NAV3: variants seen among roughly 807,000 people sequenced by gnomAD.
NAV3 encodes the protein pore membrane and/or filament interacting like protein 1.
In NAV3, 87 loss-of-function variants were observed where a neutral mutation model predicts 244.7. The ratio of observed to expected loss-of-function variants is 0.36; its 90% confidence interval spans 0.30 to 0.42. The LOEUF (loss-of-function observed/expected upper bound fraction) is 0.42. NAV3 is among the 20% of genes least tolerant of loss of function. NAV3 has a pLI of 1.00. For synonymous variants in NAV3, 1,126 were observed against 1,042.2 expected, an observed-to-expected ratio of 1.08 and a Z score of -1.55; for missense variants, 2,663 against 2,893.3, an observed-to-expected ratio of 0.92 and a Z score of 1.83.
intron 2 of NAV3, among the ~76,000 whole-genome samples, chr12:77,769,073 T>C (rs1283016166): frequency 6.6e-6 from 1 of 152,234 alleles, no homozygotes; most frequent in Non-Finnish European, 1.5e-5. Context: ...TATTTTTTCA[T>C]TGCCATTTTA....
chr12:78,002,126 C>T (rs1873415234), intron 7 of NAV3, among the ~76,000 whole-genome samples: 1 of 152,096 alleles, frequency 6.6e-6, no homozygotes, highest in African/African-American at 2.4e-5. Flanking sequence ...TTTTACAAAA[C>T]TTGTATTAAA....
At chr12:78,079,647 A>C (rs1305833864) in intron 12 of NAV3, among the ~76,000 whole-genome samples, 5 of 152,224 alleles carry the variant, frequency 3.3e-5, no homozygotes, top group Non-Finnish European at 7.3e-5. Context: ...TTAATTTTTG[A>C]AAACTCTCAC....
At chr12:78,160,398 T>TGC (rs1555184783) in intron 23 of NAV3, among the ~76,000 whole-genome samples, 1 of 84,130 alleles carries the variant, frequency 1.2e-5, no homozygotes, top group African/African-American at 4.6e-5. Flanking sequence ...TGTGTGTGTG[T>TGC]GCGTGCGTGT....
chr12:77,613,620 G>A (rs949442667), intron 2 of NAV3, among the ~76,000 whole-genome samples: 2 of 152,104 alleles, frequency 1.3e-5, no homozygotes, highest in African/African-American at 4.8e-5. Flanking sequence ...TATTCTTCTA[G>A]CACTCCTGCC....
intron 18 of NAV3, among the ~76,000 whole-genome samples, chr12:78,136,109 G>A (rs1410731412): frequency 2.0e-5 from 3 of 152,118 alleles, no homozygotes; most frequent in Non-Finnish European, 4.4e-5. Flanking sequence ...CTTGTATTAA[G>A]AAGAAGTTTA....
chr12:78,142,722 T>A (rs1956679077), intron 20 of NAV3, among the ~76,000 whole-genome samples: 1 of 54,336 alleles, frequency 1.8e-5, no homozygotes, highest in Non-Finnish European at 3.8e-5. Flanking sequence ...TATACATATA[T>A]ATGTGTGTGT....
rs746356288 is a variant in NAV3, at chr12:78,119,598, A to G, written c.3402A>G (p.Gln1134=). Residue 1134 remains glutamine (Q), a synonymous_variant, in exon 15 of 40, where the codon CAA becomes CAG. Transcript: ENST00000397909. The stretch of plus-strand genomic sequence containing the variant: ...ATGTTAGCTCAAAGACTACCCTACA[A>G]TATCGCAGCTTGCCCCGCCCTTCAA... The part of the protein sequence containing the change: ...VLHVSSKTTL[Q]YRSLPRPSKS... 5 of 1,614,174 alleles carry G rather than the reference A, an allele frequency of 3.1e-6. No homozygotes were observed. In the South Asian group the frequency reaches 4.4e-5, roughly 14 times the overall value.
At chr12:78,003,266 A>G (rs1014579322) in intron 7 of NAV3, among the ~76,000 whole-genome samples, 7 of 152,044 alleles carry the variant, frequency 4.6e-5, no homozygotes, top group African/African-American at 1.7e-4. Flanking sequence ...TTTTTAAAGC[A>G]TTTGGTATGT....
At chr12:77,697,541 A>G (rs1240631484) in intron 2 of NAV3, among the ~76,000 whole-genome samples, 1 of 152,112 alleles carries the variant, frequency 6.6e-6, no homozygotes, top group Non-Finnish European at 1.5e-5. Flanking sequence ...CTCATATTAA[A>G]CTTCCAGAAA....
intron 5 of NAV3, among the ~76,000 whole-genome samples, chr12:77,977,693 C>T (rs919748564): frequency 4.7e-4 from 42 of 89,814 alleles, no homozygotes; most frequent in African/African-American, 1.1e-3. Context: ...TATATATACA[C>T]ACACACACAC....
chr12:78,089,568 A>G (rs892376046), intron 12 of NAV3, among the ~76,000 whole-genome samples: 1 of 152,034 alleles, frequency 6.6e-6, no homozygotes, highest in African/African-American at 2.4e-5. Context: ...ATTAGTTTGG[A>G]TGCTGATTTT....
chr12:78,086,324 T>C (rs1200153430), intron 12 of NAV3, among the ~76,000 whole-genome samples: 1 of 152,128 alleles, frequency 6.6e-6, no homozygotes, highest in African/African-American at 2.4e-5. Flanking sequence ...GAAAATTTTA[T>C]TGACAACTTA....
intron 20 of NAV3, 123 bp downstream of exon 20, chr12:78,140,457 T>C: frequency 1.2e-6 from 1 of 852,352 alleles, no homozygotes; most frequent in Non-Finnish European, 1.9e-6. Context: ...TGTAGCAAAA[T>C]AACGGCATAC....
intron 2 of NAV3, among the ~76,000 whole-genome samples, chr12:77,736,782 T>C (rs1727847): frequency 0.045 from 6,876 of 152,270 alleles, 517 homozygotes; most frequent in African/African-American, 0.16. Context: ...GGGGGCACTA[T>C]ATGTCACCAC....
chr12:77,943,890 C>T (rs1201463159), intron 3 of NAV3, among the ~76,000 whole-genome samples: 1 of 152,168 alleles, frequency 6.6e-6, no homozygotes, highest in African/African-American at 2.4e-5. Flanking sequence ...TTTATTGAAT[C>T]ATTTTAAGCC....
At chr12:77,847,423 C>G (rs1243730239) in intron 1 of NAV3, among the ~76,000 whole-genome samples, 1 of 152,158 alleles carries the variant, frequency 6.6e-6, no homozygotes, top group Non-Finnish European at 1.5e-5. Context: ...CCCTCAGGCA[C>G]TAAACACATT....
chr12:78,127,243 T>G, intron 17 of NAV3, 35 bp downstream of exon 17: 2 of 1,594,546 alleles, frequency 1.3e-6, no homozygotes, highest in Non-Finnish European at 1.7e-6. Context: ...GCTACCTCTC[T>G]GTTGTTATGT....
At chr12:78,148,735 A>G (rs1298852380) in intron 21 of NAV3, 107 bp from the exon 22 acceptor site, 5 of 866,108 alleles carry the variant, frequency 5.8e-6, no homozygotes, top group East Asian at 2.7e-5. Context: ...TGCTGATACA[A>G]TGGGGTTAGA....
intron 12 of NAV3, among the ~76,000 whole-genome samples, chr12:78,114,205 T>C (rs1955251898): frequency 6.6e-6 from 1 of 152,190 alleles, no homozygotes; most frequent in Non-Finnish European, 1.5e-5. Flanking sequence ...AACAAGTCTC[T>C]AGGAAGTTTC....
Sources: allele counts gnomAD v4.1 joint callset (sites outside exome capture counted in the v4.1 genomes callset), GRCh38; gene constraint gnomAD v4.1.1; transcripts MANE v1.5; gene names NCBI Gene and HGNC (gene_info 2026-07-23, HGNC 2026-07-21).